Variants in POMGNT1 observed in about 807,000 individuals in gnomAD.
The protein encoded by POMGNT1 is protein O-linked mannose N-acetylglucosaminyltransferase 1 (beta 1,2-), also known as protein O-linked-mannose beta-1,2-N-acetylglucosaminyltransferase 1.
Under a neutral mutation model 95.6 loss-of-function variants are expected in POMGNT1, and 67 were observed. The observed-to-expected ratio is 0.70, with a 90% CI of 0.58 to 0.86. POMGNT1 has a LOEUF of 0.86. Ranked by LOEUF, POMGNT1 falls within the 40% of genes least tolerant of loss-of-function variation. The pLI, the probability that POMGNT1 is intolerant of heterozygous loss-of-function variation, is 0.00. For synonymous variants in POMGNT1, 298 were observed against 317.9 expected, an observed-to-expected ratio of 0.94 and a Z score of 0.66; for missense variants, 719 against 855.2, an observed-to-expected ratio of 0.84 and a Z score of 1.99.
intron 6 of POMGNT1, 117 bp from the exon 7 acceptor site, chr1:46,195,078 T>G: frequency 5.7e-6 from 5 of 871,128 alleles, no homozygotes; most frequent in Non-Finnish European, 9.8e-6. Flanking sequence ...ATTATTGCAA[T>G]AACCCTCTAT....
chr1:46,199,008 C>G (rs774595247), upstream of POMGNT1, among the ~76,000 whole-genome samples: 2 of 152,160 alleles, frequency 1.3e-5, no homozygotes, highest in African/African-American at 2.4e-5. Flanking sequence ...GTGGCACCAT[C>G]TCGGCTCGCT....
chr1:46,203,503 G>A (rs761422074), intron 1 of POMGNT1: 1 of 1,558,606 alleles, frequency 6.4e-7, no homozygotes, highest in East Asian at 2.4e-5. Flanking sequence ...ACCCCTGAAG[G>A]GCTGCTCCGC....
At chr1:46,213,597 G>T (rs1184862391) in intron 1 of POMGNT1, among the ~76,000 whole-genome samples, 1 of 151,998 alleles carries the variant, frequency 6.6e-6, no homozygotes, top group Non-Finnish European at 1.5e-5. Context: ...AATGGCTTAC[G>T]CCTGTAATCA....
At chr1:46,201,526 C>T (rs1571677807), upstream of POMGNT1, among the ~76,000 whole-genome samples, 1 of 151,338 alleles carries the variant, frequency 6.6e-6, no homozygotes. Flanking sequence ...GGTGAAACCC[C>T]CGTCTCTACT....
chr1:46,217,891 T>C (rs1395102170), intron 1 of POMGNT1, among the ~76,000 whole-genome samples: 2 of 152,008 alleles, frequency 1.3e-5, no homozygotes, highest in Non-Finnish European at 1.5e-5. Context: ...TCCCTAATCT[T>C]ATATAGTGTG....
chr1:46,197,637 T>C (rs2148222004), intron 2 of POMGNT1, 65 bp downstream of exon 2: 2 of 1,607,264 alleles, frequency 1.2e-6, no homozygotes, highest in East Asian at 2.2e-5. Context: ...TCCCAGTGCC[T>C]GATTTAGGTG....
In POMGNT1 at chr1:46,192,223, G is replaced by A; in HGVS notation, c.1414C>T (p.Leu472Phe). Residue 472 changes from leucine to phenylalanine, a missense_variant and splice_region_variant, in exon 17 of 22, where the codon CTC becomes TTC. This residue lies in a region of POMGNT1 where 118 missense variants were observed against 153.6 expected (regional missense o/e 0.77). Transcript: ENST00000371984. ...LEPKWPTPEK[L>F]WDWDMWMRMP... Reference sequence around the variant, plus strand: ...CGCATCCACATGTCCCAATCCCAGAGCTGGCAGACATGGACCACGATGAAG... The same window carrying A: ...CGCATCCACATGTCCCAATCCCAGAACTGGCAGACATGGACCACGATGAAG... The A allele has an allele frequency of 1.9e-6, 3 of 1,614,212 alleles. No homozygotes were observed. The highest frequency in any genetic ancestry group is 2.7e-5 in the African/African-American group (2 of 75,050).
At position 46,205,322 on chromosome 1, in the gene POMGNT1, A is replaced by T. The variant is rs79547530; in HGVS notation, c.-50-7451T>A. On this transcript the variant is annotated intron_variant, in intron 1 of 22. Coordinates refer to the POMGNT1 transcript ENST00000371992. ...GGAAGGGAGGGAGGGAGGAGAAAAG[A>T]AAAGAAAACAGAGGCACAGGGAGTT... Among the ~76,000 whole-genome samples the T allele has an allele frequency of 7.8e-4, 118 of 152,226 alleles. 4 individuals carry two copies. In the East Asian group the frequency reaches 9.5e-3, roughly 12 times the overall value.
chr1:46,191,643 C>CT (rs572766669), intron 17 of POMGNT1: 240 of 251,208 alleles, frequency 9.6e-4, no homozygotes, highest in Middle Eastern at 4.4e-3. Context: ...ATTTTATCCT[C>CT]TTTTTTTTTG....
chr1:46,199,955 A>G (rs192338902), upstream of POMGNT1, among the ~76,000 whole-genome samples: 1 of 152,174 alleles, frequency 6.6e-6, no homozygotes, highest in African/African-American at 2.4e-5. Flanking sequence ...TGGTCAGTTG[A>G]GGTCAGGAGT....
chr1:46,194,719 C>G (rs903723668), intron 7 of POMGNT1, 68 bp from the exon 8 acceptor site: 1 of 1,614,138 alleles, frequency 6.2e-7, no homozygotes, highest in Non-Finnish European at 8.5e-7. Context: ...TCCCATCTCC[C>G]TGCCTACTTT....
chr1:46,215,865 A>G (rs1030294729), intron 1 of POMGNT1, among the ~76,000 whole-genome samples: 1 of 152,114 alleles, frequency 6.6e-6, no homozygotes, highest in African/African-American at 2.4e-5. Flanking sequence ...CCACCACTGC[A>G]CTCCAGCCTG....
Position 46,197,714 on chromosome 1 carries a change from C to T in POMGNT1, c.108G>A (p.Arg36=). The T allele has an allele frequency of 6.2e-7, 1 of 1,614,130 alleles. No homozygotes were observed. The highest frequency in any genetic ancestry group is 8.5e-7 in the Non-Finnish European group (1 of 1,179,990). Reference sequence around the variant, plus strand: ...GACATCTCTATACCTGACAGAATCTCCGCAGGGCCCGCTGGTTTGTCAGTT... The same window carrying T: ...GACATCTCTATACCTGACAGAATCTTCGCAGGGCCCGCTGGTTTGTCAGTT... ...KYKLTNQRAL[R]RFCQTGAVLF... is the part of the protein sequence containing the mutation. Residue 36 remains arginine, a synonymous_variant, in exon 2 of 22, where the codon CGG becomes CGA. Transcript: ENST00000371984.
upstream of POMGNT1, among the ~76,000 whole-genome samples, chr1:46,201,002 G>T (rs1476614266): frequency 5.9e-5 from 9 of 152,148 alleles, no homozygotes; most frequent in Non-Finnish European, 8.8e-5. Context: ...GTTGTGGCAG[G>T]TGCCTGTAAT....
chr1:46,206,948 C>T (rs1453166266), intron 1 of POMGNT1, among the ~76,000 whole-genome samples: 2 of 152,174 alleles, frequency 1.3e-5, no homozygotes, highest in Non-Finnish European at 2.9e-5. Context: ...GAAGGGCCTC[C>T]TGGAAGAGTC....
At position 46,194,281 on chromosome 1, in the gene POMGNT1, G is replaced by A. The variant is rs759146728; in HGVS notation, c.872C>T (p.Pro291Leu). The change falls in exon 9 of 22, where the codon CCT (proline) becomes CTT (leucine). Residue 291 changes from proline (P) to leucine (L), a missense_variant. This residue lies in a region of POMGNT1 where 466 missense variants were observed against 517.4 expected (regional missense o/e 0.90). Transcript: ENST00000371984. ...CKDPTPIEFSPDPLPDNKVLN... is the reference protein window; with the variant it reads ...CKDPTPIEFSLDPLPDNKVLN... ...TCTTAAGGCCCCACTCACTGGGTCA[G>A]GGCTGAACTCGATGGGTGTGGGGTC... is the stretch of plus-strand genomic sequence containing the variant. 1.9e-6 allele frequency: 3 copies of A among 1,614,204 alleles called. No homozygotes were observed. In the South Asian group the frequency reaches 3.3e-5, roughly 18 times the overall value.
intron 18 of POMGNT1, 50 bp from the exon 19 acceptor site, chr1:46,190,567 C>T (rs759275828): frequency 1.9e-6 from 3 of 1,547,966 alleles, no homozygotes; most frequent in East Asian, 4.5e-5. Flanking sequence ...CCCTCAGGTC[C>T]CATGGGTAGC....
Position 46,190,030 on chromosome 1 carries a change from A to G in POMGNT1, c.1650-41T>C, listed in dbSNP as rs369372763. On this transcript the variant is annotated intron_variant, in intron 19 of 21. Coordinates refer to ENST00000371984, the MANE Select transcript of POMGNT1 (RefSeq NM_017739.4). ...GGAGAATATAGCCAAGACAGGGCCCACTTCATGGGTGTGTCCCACAGGACC... is the reference window on the plus strand; with the variant it reads ...GGAGAATATAGCCAAGACAGGGCCCGCTTCATGGGTGTGTCCCACAGGACC... 8.7e-4 allele frequency: 1,407 copies of G among 1,610,096 alleles called. 17 individuals carry two copies. The South Asian group carries it at 0.014, about 16-fold the overall frequency.
chr1:46,196,225 G>T lies in POMGNT1; in HGVS notation c.355-148C>A, dbSNP rs1658230671. 3.3e-6 allele frequency: 5 copies of T among 1,497,862 alleles called. No individual in the cohort carries two copies. In the East Asian group the frequency reaches 9.8e-5, roughly 29 times the overall value. The allele number at this position is 1,497,862 out of a possible 1,614,324, so 92.8% of individuals were successfully genotyped here. A position where few individuals can be genotyped will look rare whatever the true frequency, so the allele number is the denominator to read the frequency against. On this transcript the variant is annotated intron_variant, in intron 4 of 21. Transcript: ENST00000371984. This position sits in a 1 kb window ranked among gnomAD's most constrained non-coding sequence, Gnocchi z 4.4. The stretch of plus-strand genomic sequence containing the variant: ...AGTTCTTTTCCAACTCAGCTCGAAG[G>T]CCACCTCTTCCAGAAAGCCTCTATA...
Sources: gnomAD v4.1 joint callset for allele counts (sites outside exome capture counted in the v4.1 genomes callset) on GRCh38, gnomAD v4.1.1 for gene constraint, gnomAD v4.1.1 regional missense constraint, Gnocchi (gnomAD v3.1) non-coding constraint, MANE v1.5 for transcripts, NCBI Gene and HGNC (gene_info 2026-07-23, HGNC 2026-07-21) for gene names.